The following FLNB variants were observed in gnomAD, a reference collection of about 807,000 sequenced individuals.
FLNB encodes the protein filamin-B.
FLNB carries 111 observed loss-of-function variants against 250.6 expected under a neutral mutation model. That is an observed-to-expected ratio of 0.44 (90% CI 0.38 to 0.52). The LOEUF (loss-of-function observed/expected upper bound fraction) is 0.52, where lower values mean the gene tolerates loss of function less well. FLNB is among the 20% of genes least tolerant of loss of function. The pLI is 0.00. For synonymous variants in FLNB, 1,302 were observed against 1,372.1 expected, an observed-to-expected ratio of 0.95 and a Z score of 1.13; for missense variants, 2,869 against 3,447.8, an observed-to-expected ratio of 0.83 and a Z score of 4.20.
chr3:58,017,594 A>C (rs1433445267), intron 1 of FLNB, among the ~76,000 whole-genome samples: 2 of 152,174 alleles, frequency 1.3e-5, no homozygotes, highest in African/African-American at 2.4e-5. Flanking sequence ...AGGACAAAGA[A>C]AAATACTGAG....
intron 4 of FLNB, among the ~76,000 whole-genome samples, chr3:58,089,090 C>A (rs1238327221): frequency 6.6e-6 from 1 of 151,682 alleles, no homozygotes; most frequent in African/African-American, 2.4e-5. Flanking sequence ...TTACATGATA[C>A]CCCAAATATC....
At position 58,108,515 on chromosome 3, in the gene FLNB, G is replaced by A. The variant is rs768307189; in HGVS notation, c.1999G>A (p.Glu667Lys). The A allele has an allele frequency of 1.9e-5, 30 of 1,614,036 alleles. 1 individual carries two copies. In the Middle Eastern group the frequency reaches 6.6e-4, roughly 35 times the overall value. ...KSGCIVNNLA[E>K]FTVDPKDAGK... ...TGGATGCATTGTCAACAACCTGGCC[G>A]AGTTCACTGTGGATCCTAAGGATGC... The change falls in exon 13 of 46, where the codon GAG becomes AAG. Residue 667 changes from glutamate (E) to lysine (K), a missense_variant. Physicochemically the swap from Glu to Lys is moderately conservative, Grantham distance 56 (BLOSUM62 1). This residue lies in a region of FLNB where 1,348 missense variants were observed against 1,466.7 expected (regional missense o/e 0.92). Transcript: ENST00000295956.
At position 58,110,173 on chromosome 3, in the gene FLNB, A is replaced by T; in HGVS notation, c.2484+3A>T. On this transcript the variant is annotated splice_donor_region_variant and intron_variant, in intron 16 of 45. Coordinates refer to ENST00000295956, the MANE Select transcript of FLNB (RefSeq NM_001457.4). ...TCAAAGTTCTCTTTGCATCTCAGGT[A>T]CGTGGTGGGGCCTGGGAGGAGATGG... is the stretch of plus-strand genomic sequence containing the variant. The T allele has an allele frequency of 6.2e-7, 1 of 1,614,156 alleles. No individual in the cohort carries two copies. Among genetic ancestry groups the T allele is most frequent in the Non-Finnish European group, 8.5e-7 (1 of 1,180,014 alleles).
chr3:58,167,081 T>C (rs1316635866), intron 43 of FLNB, among the ~76,000 whole-genome samples: 3 of 152,164 alleles, frequency 2.0e-5, no homozygotes, highest in African/African-American at 7.2e-5. Context: ...TAAGCCAAGA[T>C]CATGGTACTG....
chr3:58,023,701 A>C (rs904179549), intron 1 of FLNB, among the ~76,000 whole-genome samples: 4 of 152,228 alleles, frequency 2.6e-5, no homozygotes, highest in African/African-American at 9.6e-5. Flanking sequence ...GTCCAACATT[A>C]AAATGAAAGG....
At position 58,146,649 on chromosome 3, in the gene FLNB, C is replaced by T; in HGVS notation, c.5555-171C>T. 4 of 674,812 alleles carry T rather than the reference C, an allele frequency of 5.9e-6. No homozygotes were observed. The South Asian group carries it at 7.0e-5, about 12-fold the overall frequency. The allele number at this position is 674,812 out of a possible 1,614,324, so 41.8% of individuals were successfully genotyped here. On this transcript the variant is annotated intron_variant, in intron 33 of 45. Coordinates refer to ENST00000295956, the MANE Select transcript of FLNB (RefSeq NM_001457.4). The stretch of plus-strand genomic sequence containing the variant: ...GGTTTCTTCTCAGTGGGTGTTTTTA[C>T]TGCGTGGACTGCTTCATTCTGACAG...
At chr3:58,150,057 G>T (rs768644991) in intron 37 of FLNB, 48 bp from the exon 38 acceptor site, 1 of 1,614,286 alleles carries the variant, frequency 6.2e-7, no homozygotes, top group Non-Finnish European at 8.5e-7. Context: ...TGTAAATGCT[G>T]TGCCTTGGCC....
At chr3:58,033,070 C>T (rs1396206372) in intron 1 of FLNB, among the ~76,000 whole-genome samples, 1 of 152,186 alleles carries the variant, frequency 6.6e-6, no homozygotes, top group East Asian at 1.9e-4. Flanking sequence ...GAGACATTGT[C>T]TCAATCTCCC....
intron 24 of FLNB, among the ~76,000 whole-genome samples, chr3:58,128,828 A>G (rs1303652945): frequency 6.6e-6 from 1 of 152,216 alleles, no homozygotes; most frequent in Admixed American, 6.5e-5. Context: ...GTCTTTGAGC[A>G]TAACAACAGA....
intron 21 of FLNB, among the ~76,000 whole-genome samples, 198 bp from the exon 22 acceptor site, chr3:58,124,134 C>G (rs1468102016): frequency 6.6e-6 from 1 of 152,196 alleles, no homozygotes; most frequent in Non-Finnish European, 1.5e-5. Flanking sequence ...CGTGTTGTCA[C>G]TTAGCCGTGG....
chr3:58,138,440 A>G lies in FLNB; in HGVS notation c.5020A>G (p.Ile1674Val), dbSNP rs2097320328. Reference protein sequence around the residue: ...VIENEDGTYDIFYTAAKPGTY... With the variant: ...VIENEDGTYDVFYTAAKPGTY... ...TGAGAATGAAGATGGAACCTATGAC[A>G]TCTTCTACACAGCTGCCAAGCCGGG... The change falls in exon 29 of 46, where the codon ATC becomes GTC. Residue 1674 changes from isoleucine (I) to valine (V), a missense_variant. Transcript: ENST00000295956. 2.5e-6 allele frequency: 4 copies of G among 1,614,170 alleles called. No individual in the cohort carries two copies. The highest frequency in any genetic ancestry group is 3.4e-6 in the Non-Finnish European group (4 of 1,180,020).
At chr3:58,123,001 A>C (rs1297584506) in intron 20 of FLNB, 92 bp from the exon 21 acceptor site, 3 of 1,175,908 alleles carry the variant, frequency 2.6e-6, no homozygotes, top group Non-Finnish European at 3.8e-6. Flanking sequence ...GCTCAGATGC[A>C]CTTCCATGCT....
Position 58,123,463 on chromosome 3 carries a change from T to C in FLNB, c.3497T>C (p.Leu1166Pro), listed in dbSNP as rs759044149. The C allele has an allele frequency of 1.2e-6, 2 of 1,607,786 alleles. No homozygotes were observed. The highest frequency in any genetic ancestry group is 1.1e-5 in the South Asian group (1 of 90,750). The change falls in exon 21 of 46, where the codon CTG becomes CCG. Residue 1166 changes from leucine (L) to proline (P), a missense_variant. This residue lies in a region of FLNB where 1,348 missense variants were observed against 1,466.7 expected (regional missense o/e 0.92). Coordinates refer to ENST00000295956, the MANE Select transcript of FLNB (RefSeq NM_001457.4). The stretch of plus-strand genomic sequence containing the variant: ...TGCTCGGAAGCGGGACCGGGGGCCC[T>C]GGGCCTGGAAGCTGTCTCGGACTCG... ...VDCSEAGPGALGLEAVSDSGT... is the reference protein window; with the variant it reads ...VDCSEAGPGAPGLEAVSDSGT...
At chr3:58,033,352 A>G (rs1457728743) in intron 1 of FLNB, among the ~76,000 whole-genome samples, 4 of 149,192 alleles carry the variant, frequency 2.7e-5, no homozygotes, top group Non-Finnish European at 4.4e-5. Context: ...GTCAGTTTTC[A>G]TCTTTTAGCC....
intron 1 of FLNB, among the ~76,000 whole-genome samples, chr3:58,050,187 A>C (rs2097160219): frequency 6.6e-6 from 1 of 151,852 alleles, no homozygotes; most frequent in Non-Finnish European, 1.5e-5. Context: ...GTGCCACCAC[A>C]CCCAGCTAAT....
At chr3:58,110,396 G>A (rs974899925) in intron 16 of FLNB, among the ~76,000 whole-genome samples, 3 of 151,848 alleles carry the variant, frequency 2.0e-5, no homozygotes, top group African/African-American at 7.3e-5. Context: ...CCAAGTAGCT[G>A]GGGACTACAG....
chr3:58,075,013 C>T (rs944807922), intron 1 of FLNB, among the ~76,000 whole-genome samples: 2 of 152,004 alleles, frequency 1.3e-5, no homozygotes, highest in Non-Finnish European at 2.9e-5. Flanking sequence ...GGTGTGGGCT[C>T]TTAAAGAGGG....
chr3:58,055,160 G>A (rs1477879061), intron 1 of FLNB, among the ~76,000 whole-genome samples: 2 of 152,098 alleles, frequency 1.3e-5, no homozygotes, highest in Non-Finnish European at 2.9e-5. Flanking sequence ...CCAGCTACTT[G>A]GGTGTCGAGA....
intron 1 of FLNB, among the ~76,000 whole-genome samples, chr3:58,024,701 CTTTTT>C: frequency 1.2e-5 from 1 of 83,772 alleles, no homozygotes. Context: ...GCCAAGCCTC[CTTTTT>C]TTTTTTTTTT....
Sources: allele counts gnomAD v4.1 joint callset (sites outside exome capture counted in the v4.1 genomes callset), GRCh38; gene constraint gnomAD v4.1.1; regional missense constraint gnomAD v4.1.1; transcripts MANE v1.5; gene names NCBI Gene and HGNC (gene_info 2026-07-23, HGNC 2026-07-21).